Variants in SEL1L3 observed in about 807,000 individuals in gnomAD.
SEL1L3 encodes the protein protein sel-1 homolog 3.
A neutral mutation model predicts 142.8 loss-of-function variants in SEL1L3; 76 were observed. That is an observed-to-expected ratio of 0.53 (90% confidence interval 0.44 to 0.64). The LOEUF (loss-of-function observed/expected upper bound fraction) is 0.64. Among genes scored for constraint, SEL1L3 ranks in the 30% least tolerant of loss-of-function variants. The probability of loss-of-function intolerance (pLI) is 0.00; values close to 1 mark genes in which losing one functional copy is unlikely to be tolerated. For synonymous variants in SEL1L3, 504 were observed against 519.6 expected, an observed-to-expected ratio of 0.97 and a Z score of 0.41; for missense variants, 1,262 against 1,381.7, an observed-to-expected ratio of 0.91 and a Z score of 1.37.
chr4:25,818,367 G>T, intron 8 of SEL1L3, 89 bp from the exon 9 acceptor site: 1 of 1,168,960 alleles, frequency 8.6e-7, no homozygotes, highest in Non-Finnish European at 1.2e-6. Context: ...ACAGGAACTA[G>T]AAAGACTTGC....
chr4:25,774,493 G>A (rs1246693957), intron 17 of SEL1L3, among the ~76,000 whole-genome samples: 2 of 152,146 alleles, frequency 1.3e-5, no homozygotes, highest in Non-Finnish European at 2.9e-5. Flanking sequence ...AAGAGAACAA[G>A]CCACAGAAAT....
At chr4:25,717,591 G>C in the SEL1L3 span, among the ~76,000 whole-genome samples, 3 of 152,090 alleles carry the variant, frequency 2.0e-5, no homozygotes, top group Non-Finnish European at 4.4e-5. Flanking sequence ...ACTTGAACCC[G>C]GGAGGTGGAG....
chr4:25,723,289 T>A, the SEL1L3 span, among the ~76,000 whole-genome samples: 1 of 152,182 alleles, frequency 6.6e-6, no homozygotes, highest in South Asian at 2.1e-4. Context: ...AGTTGAAGTA[T>A]TTTTCTAAGA....
intron 17 of SEL1L3, among the ~76,000 whole-genome samples, chr4:25,773,125 T>G (rs1719351426): frequency 1.3e-5 from 2 of 152,140 alleles, no homozygotes; most frequent in Admixed American, 6.5e-5. Flanking sequence ...AGCATTATGT[T>G]AAGTAAAAAA....
chr4:25,825,595 T>C (rs1046995909), intron 6 of SEL1L3, among the ~76,000 whole-genome samples: 2 of 151,856 alleles, frequency 1.3e-5, no homozygotes, highest in Non-Finnish European at 2.9e-5. Context: ...AGCTTCAAAT[T>C]GGCTGCCCCC....
chr4:25,725,651 G>C, the SEL1L3 span, among the ~76,000 whole-genome samples: 2 of 152,008 alleles, frequency 1.3e-5, no homozygotes, highest in Admixed American at 1.3e-4. Flanking sequence ...CTGATTATAC[G>C]CTAAACAAGG....
chr4:25,758,897 T>C (rs759448573), intron 21 of SEL1L3, 44 bp downstream of exon 21: 2 of 1,572,964 alleles, frequency 1.3e-6, no homozygotes, highest in Non-Finnish European at 1.7e-6. Flanking sequence ...CATCATCTAC[T>C]TGGGTTCCCT....
Position 25,748,103 on chromosome 4 carries a change from T to C in SEL1L3, c.*322A>G. On this transcript the variant is annotated 3_prime_UTR_variant, in exon 24 of 24. Coordinates refer to ENST00000399878, the MANE Select transcript of SEL1L3 (RefSeq NM_015187.5). Reference sequence around the variant, plus strand: ...TAAGACACATCTTAGTGTATAAGAATCCAGATCTGCCGTAGGGCATGCTAT... The same window carrying C: ...TAAGACACATCTTAGTGTATAAGAACCCAGATCTGCCGTAGGGCATGCTAT... 7.5e-6 allele frequency: 2 copies of C among 265,620 alleles called. No individual in the cohort carries two copies. The highest frequency in any genetic ancestry group is 1.4e-5 in the Non-Finnish European group (2 of 139,064). 16.5% of individuals were successfully genotyped at this position (265,620 alleles called of 1,614,324 possible). A position where few individuals can be genotyped will look rare whatever the true frequency, so the allele number is the denominator to read the frequency against.
At position 25,833,522 on chromosome 4, in the gene SEL1L3, T is replaced by C. The variant is rs373095142; in HGVS notation, c.908A>G (p.Asn303Ser). 14 of 1,612,936 alleles carry C rather than the reference T, an allele frequency of 8.7e-6. No homozygotes were observed. The highest frequency in any genetic ancestry group is 4.4e-5 in the South Asian group (4 of 91,008). Residue 303 changes from asparagine (N) to serine (S), a missense_variant, in exon 4 of 24, where the codon AAC becomes AGC. Around this residue, in one of 3 missense-constraint regions of SEL1L3, gnomAD observed 689 missense variants for 692.8 expected, o/e 0.99. Transcript: ENST00000399878. ...WLYLLHYCKA[N>S]LCGILYFVDS... ...AACAAAGTACAGAATCCCACAGAGG[T>C]TGGCCTTGCAATAATGGAGTAAATA...
chr4:25,757,826 C>G (rs768828478), intron 21 of SEL1L3, 36 bp from the exon 22 acceptor site: 34 of 1,504,346 alleles, frequency 2.3e-5, no homozygotes, highest in Non-Finnish European at 2.7e-5. Context: ...GACGTGTCAG[C>G]CAACTTTGGT....
At chr4:25,749,272 G>A (rs1019237709) in intron 23 of SEL1L3, among the ~76,000 whole-genome samples, 5 of 152,074 alleles carry the variant, frequency 3.3e-5, no homozygotes, top group African/African-American at 4.8e-5. Context: ...GATGATCTCT[G>A]AGGAAGTTAA....
At chr4:25,860,561 A>G (rs983025160) in intron 1 of SEL1L3, 2 of 152,190 alleles carry the variant, frequency 1.3e-5, no homozygotes, top group African/African-American at 4.8e-5. Context: ...CAACATCCCT[A>G]GTAAACGGCT....
chr4:25,793,994 C>T (rs182027703), intron 11 of SEL1L3, among the ~76,000 whole-genome samples: 4 of 152,184 alleles, frequency 2.6e-5, no homozygotes, highest in East Asian at 3.9e-4. Flanking sequence ...GAAATTGGAC[C>T]CCTTCCTTAT....
At chr4:25,714,488 CTCTTTCTTTCTTTT>C in the SEL1L3 span, among the ~76,000 whole-genome samples, 12,177 of 138,170 alleles carry the variant, frequency 0.088, 595 homozygotes, top group Middle Eastern at 0.14. Context: ...TTCTTTCTTT[CTCTTTCTTTCTTTT>C]TCTTTCTTTC....
intron 23 of SEL1L3, among the ~76,000 whole-genome samples, chr4:25,752,365 C>T (rs1227917863): frequency 6.8e-6 from 1 of 146,196 alleles, no homozygotes; most frequent in Admixed American, 7.0e-5. Context: ...TGCAGTGAGC[C>T]GAGATAGCGC....
intron 11 of SEL1L3, among the ~76,000 whole-genome samples, chr4:25,792,029 G>A (rs887793730): frequency 2.6e-5 from 4 of 152,020 alleles, no homozygotes; most frequent in Non-Finnish European, 5.9e-5. Flanking sequence ...TTTCCAGGGG[G>A]ACTCGGGGGC....
chr4:25,815,603 A>G (rs1184467956), intron 9 of SEL1L3, among the ~76,000 whole-genome samples: 1 of 152,132 alleles, frequency 6.6e-6, no homozygotes, highest in Non-Finnish European at 1.5e-5. Context: ...ACTCTTGTAA[A>G]GACAATTTTG....
chr4:25,828,365 T>A (rs1411365327), intron 6 of SEL1L3, among the ~76,000 whole-genome samples: 1 of 151,926 alleles, frequency 6.6e-6, no homozygotes, highest in African/African-American at 2.4e-5. Context: ...AGCCCAAGAT[T>A]CTGCATTTCT....
At chr4:25,769,065 T>C (rs936565940) in intron 17 of SEL1L3, among the ~76,000 whole-genome samples, 1 of 152,188 alleles carries the variant, frequency 6.6e-6, no homozygotes, top group Admixed American at 6.5e-5. Flanking sequence ...TAAAACTCTA[T>C]TTTATCCAGA....
Sources: allele counts gnomAD v4.1 joint callset (sites outside exome capture counted in the v4.1 genomes callset), GRCh38; gene constraint gnomAD v4.1.1; regional missense constraint gnomAD v4.1.1; transcripts MANE v1.5; gene names NCBI Gene and HGNC (gene_info 2026-07-23, HGNC 2026-07-21).